The following LOC400499 variants were observed in gnomAD, a reference collection of about 807,000 sequenced individuals.
chr16:11,408,166 A>G, the LOC400499 span, among the ~76,000 whole-genome samples: 1 of 152,040 alleles, frequency 6.6e-6, no homozygotes, highest in Non-Finnish European at 1.5e-5. Flanking sequence ...TATTTTTAGT[A>G]GAGATGGGGT....
chr16:11,477,362 T>C, the LOC400499 span, among the ~76,000 whole-genome samples: 1 of 152,220 alleles, frequency 6.6e-6, no homozygotes, highest in Admixed American at 6.5e-5. Context: ...CATGACAGGT[T>C]CCAGAATCGG....
At chr16:11,383,359 G>A in the LOC400499 span, among the ~76,000 whole-genome samples, 1 of 152,178 alleles carries the variant, frequency 6.6e-6, no homozygotes, top group Non-Finnish European at 1.5e-5. Context: ...GAGCCACCGT[G>A]CCCAGCCTTG....
chr16:11,399,157 G>A, the LOC400499 span: 10 of 960,548 alleles, frequency 1.0e-5, no homozygotes, highest in Non-Finnish European at 1.1e-5. Flanking sequence ...CTGATGCCTC[G>A]GGGAACCGGA....
the LOC400499 span, among the ~76,000 whole-genome samples, chr16:11,434,506 G>C: frequency 6.6e-6 from 1 of 152,192 alleles, no homozygotes; most frequent in East Asian, 1.9e-4. Flanking sequence ...TATAGAGTCA[G>C]AACCGAGACC....
At chr16:11,396,913 G>A in the LOC400499 span, among the ~76,000 whole-genome samples, 69,909 of 152,018 alleles carry the variant, frequency 0.46, 18,236 homozygotes, top group Admixed American at 0.61. Context: ...CCCTCCGTAA[G>A]TGCTGCCCCG....
At chr16:11,437,319 G>C in the LOC400499 span, among the ~76,000 whole-genome samples, 4 of 152,220 alleles carry the variant, frequency 2.6e-5, no homozygotes, top group Non-Finnish European at 2.9e-5. Flanking sequence ...CAGCCCTTTG[G>C]AGACCAAGGC....
the LOC400499 span, among the ~76,000 whole-genome samples, chr16:11,408,301 G>A: frequency 2.5e-4 from 38 of 152,078 alleles, no homozygotes; most frequent in Non-Finnish European, 8.8e-5. Context: ...TATTTTTAAC[G>A]CGCTCACTAG....
At chr16:11,426,585 G>A in the LOC400499 span, among the ~76,000 whole-genome samples, 2 of 151,642 alleles carry the variant, frequency 1.3e-5, no homozygotes, top group African/African-American at 2.4e-5. Context: ...ATTATATACT[G>A]TATTTCTTAG....
At chr16:11,385,478 C>T in the LOC400499 span, 1 of 1,120,746 alleles carries the variant, frequency 8.9e-7, no homozygotes, top group Non-Finnish European at 1.1e-6. Context: ...GCAGTAGGAG[C>T]CCAATGCCTG....
the LOC400499 span, chr16:11,469,190 G>A: frequency 2.3e-5 from 9 of 399,534 alleles, no homozygotes; most frequent in Admixed American, 4.4e-5. Context: ...TGTAGTAGAC[G>A]TCCCTGTCAT....
the LOC400499 span, among the ~76,000 whole-genome samples, chr16:11,495,797 A>T: frequency 6.6e-6 from 1 of 152,254 alleles, no homozygotes; most frequent in Non-Finnish European, 1.5e-5. Context: ...GCTGAGACAC[A>T]GGAAGCTGAG....
At chr16:11,460,573 G>A in the LOC400499 span, 1 of 1,535,358 alleles carries the variant, frequency 6.5e-7, no homozygotes, top group East Asian at 2.4e-5. Context: ...GCAGCTTCTG[G>A]CTGGTGCTGC....
At chr16:11,497,830 T>G in the LOC400499 span, among the ~76,000 whole-genome samples, 1 of 102,856 alleles carries the variant, frequency 9.7e-6, no homozygotes, top group Non-Finnish European at 2.1e-5. Context: ...GAAAGGGAAA[T>G]AAATTTAAAA....
chr16:11,409,230 C>T, the LOC400499 span, among the ~76,000 whole-genome samples: 1 of 151,722 alleles, frequency 6.6e-6, no homozygotes, highest in African/African-American at 2.4e-5. Context: ...CTCTGCACTC[C>T]AGCGTGGGTG....
the LOC400499 span, among the ~76,000 whole-genome samples, chr16:11,426,671 G>C: frequency 6.6e-6 from 1 of 151,554 alleles, no homozygotes; most frequent in Non-Finnish European, 1.5e-5. Context: ...GCTCATACCT[G>C]TAATCCCAGC....
At chr16:11,376,453 C>G in the LOC400499 span, among the ~76,000 whole-genome samples, 2 of 151,956 alleles carry the variant, frequency 1.3e-5, no homozygotes, top group Non-Finnish European at 2.9e-5. Context: ...AAAGACTGTC[C>G]TTTCCCCAAT....
At chr16:11,377,115 G>A in the LOC400499 span, among the ~76,000 whole-genome samples, 7 of 151,982 alleles carry the variant, frequency 4.6e-5, no homozygotes, top group Non-Finnish European at 7.4e-5. Context: ...AACCATGCCC[G>A]GCAGGAATTG....
the LOC400499 span, among the ~76,000 whole-genome samples, chr16:11,384,582 G>C: frequency 6.6e-6 from 1 of 152,200 alleles, no homozygotes; most frequent in East Asian, 1.9e-4. Context: ...CAGCTCAAGT[G>C]GCTGGAATCC....
At chr16:11,462,352 C>T in the LOC400499 span, 1 of 1,415,596 alleles carries the variant, frequency 7.1e-7, no homozygotes, top group Non-Finnish European at 9.2e-7. Context: ...GCCAGCAGGC[C>T]CAGCCCTTAC....
Sources: gnomAD v4.1 joint callset for allele counts (sites outside exome capture counted in the v4.1 genomes callset) on GRCh38, gnomAD v4.1.1 for gene constraint, MANE v1.5 for transcripts.